BDNF: variants seen among roughly 807,000 people sequenced by gnomAD.
BDNF encodes the protein neurotrophic factor BDNF precursor form.
BDNF carries 1 observed loss-of-function variant against 19.5 expected under a neutral mutation model. That is an observed-to-expected ratio of 0.05 (90% CI 0.02 to 0.24). The LOEUF (loss-of-function observed/expected upper bound fraction) is 0.24. Among genes scored for constraint, BDNF ranks in the 10% least tolerant of loss-of-function variants. The probability of loss-of-function intolerance (pLI) is 1.00; values close to 1 mark genes in which losing one functional copy is unlikely to be tolerated. For synonymous variants in BDNF, 100 were observed against 121.6 expected, an observed-to-expected ratio of 0.82 and a Z score of 1.17; for missense variants, 195 against 317.6, an observed-to-expected ratio of 0.61 and a Z score of 2.93.
At chr11:27,685,490 TAG>T (rs1262522748) in intron 1 of BDNF, among the ~76,000 whole-genome samples, 6 of 152,202 alleles carry the variant, frequency 3.9e-5, no homozygotes, top group Non-Finnish European at 8.8e-5. Context: ...ATTGTGATGT[TAG>T]AGTGTTGATT....
In BDNF at chr11:27,699,436, C is replaced by T. The variant is rs79679324; in HGVS notation, c.-22+728G>A. 4.8e-3 allele frequency: 7,668 copies of T among 1,614,154 alleles called. 26 individuals carry two copies. The highest frequency in any genetic ancestry group is 5.6e-3 in the Middle Eastern group (34 of 6,062). On this transcript the variant is annotated intron_variant, in intron 1 of 1. Coordinates refer to ENST00000356660, the MANE Select transcript of BDNF (RefSeq NM_001709.5). ...GAGACTAACCCGAGTCAAGAATCCC[C>T]CACGTACATCCCAACCACTCCCCGA...
chr11:27,684,782 G>T (rs1857269012), intron 1 of BDNF, among the ~76,000 whole-genome samples: 1 of 152,128 alleles, frequency 6.6e-6, no homozygotes, highest in African/African-American at 2.4e-5. Context: ...TTTTTGATGT[G>T]CTGCTGGATT....
At chr11:27,717,454 G>C (rs1860557784) in intron 1 of BDNF, among the ~76,000 whole-genome samples, 1 of 152,176 alleles carries the variant, frequency 6.6e-6, no homozygotes, top group Admixed American at 6.5e-5. Flanking sequence ...AAAAATTGCT[G>C]TGTTGTAGGT....
At chr11:27,720,617 G>A (rs1860711876) in intron 1 of BDNF, 8 of 985,548 alleles carry the variant, frequency 8.1e-6, no homozygotes, top group Non-Finnish European at 9.6e-6. Context: ...CACAGGGTTG[G>A]CTTTACAGCG....
intron 1 of BDNF, among the ~76,000 whole-genome samples, chr11:27,682,068 C>G (rs567102397): frequency 7.1e-4 from 108 of 152,236 alleles, no homozygotes; most frequent in African/African-American, 2.5e-3. Context: ...GTCTGAATTT[C>G]TGATTATTTA....
chr11:27,699,139 G>A (rs2134076155), intron 1 of BDNF, among the ~76,000 whole-genome samples: 1 of 150,944 alleles, frequency 6.6e-6, no homozygotes, highest in East Asian at 2.0e-4. Flanking sequence ...CCGGCAGAGG[G>A]CACCCTCTAC....
intron 1 of BDNF, among the ~76,000 whole-genome samples, chr11:27,713,694 A>T (rs1860421306): frequency 6.6e-6 from 1 of 152,196 alleles, no homozygotes; most frequent in Admixed American, 6.5e-5. Flanking sequence ...TTCTGCCGCT[A>T]TTTAGGAAAA....
chr11:27,717,858 TGA>T (rs1860572151), intron 1 of BDNF, among the ~76,000 whole-genome samples: 1 of 126,576 alleles, frequency 7.9e-6, no homozygotes, highest in South Asian at 3.3e-4. Context: ...TCTTACAAGT[TGA>T]GTGTGTGTGT....
upstream of BDNF, among the ~76,000 whole-genome samples, chr11:27,701,985 C>A (rs1473122784): frequency 6.7e-6 from 1 of 149,970 alleles, no homozygotes; most frequent in Admixed American, 6.7e-5. Flanking sequence ...CCCACCACTG[C>A]CCGCAGCAAA....
At chr11:27,677,783 A>G (rs1856353100) in intron 1 of BDNF, 1 of 152,248 alleles carries the variant, frequency 6.6e-6, no homozygotes, top group Non-Finnish European at 1.5e-5. Context: ...ATTAAATTAA[A>G]AATAACCAAT....
chr11:27,674,403 A>G lies in BDNF; in HGVS notation c.-21-15818T>C, dbSNP rs1404267119. 2.7e-6 allele frequency: 4 copies of G among 1,471,660 alleles called. No homozygotes were observed. The East Asian group carries it at 9.9e-5, about 36-fold the overall frequency. 91.2% of individuals were successfully genotyped at this position (1,471,660 alleles called of 1,614,324 possible). A position where few individuals can be genotyped will look rare whatever the true frequency, so the allele number is the denominator to read the frequency against. On this transcript the variant is annotated intron_variant, in intron 1 of 1. Coordinates refer to ENST00000356660, the MANE Select transcript of BDNF (RefSeq NM_001709.5). ...TTAATGCAGGAGGAAATATAATTGA[A>G]TATGTTCTCCTAGCCACTGCTCTAC...
At chr11:27,665,210 G>A (rs1854105488) in intron 1 of BDNF, 1 of 151,980 alleles carries the variant, frequency 6.6e-6, no homozygotes, top group Admixed American at 6.5e-5. Flanking sequence ...TCCCATACAT[G>A]GTAGACAGTG....
At chr11:27,682,472 C>G (rs1326781065) in intron 1 of BDNF, among the ~76,000 whole-genome samples, 2 of 151,078 alleles carry the variant, frequency 1.3e-5, no homozygotes, top group African/African-American at 4.9e-5. Context: ...GGTTTGTTAC[C>G]TAGGTATACA....
chr11:27,659,001 A>G (rs1029662290), intron 1 of BDNF: 1 of 1,093,994 alleles, frequency 9.1e-7, no homozygotes, highest in African/African-American at 1.7e-5. Context: ...ATTTTTTTCA[A>G]GTTAGCAACA....
upstream of BDNF, chr11:27,701,388 A>G: frequency 9.7e-7 from 1 of 1,033,838 alleles, no homozygotes; most frequent in Non-Finnish European, 1.2e-6. Context: ...TTATTTTTTC[A>G]CGTTCCCTTC....
chr11:27,674,202 C>G lies in BDNF; in HGVS notation c.-21-15617G>C, dbSNP rs747423302. ...GCCAAAACATGTGTGGACCTGCAAC[C>G]CTTTCTGTAGAAACTCAGCATTCTG... is the stretch of plus-strand genomic sequence containing the variant. On this transcript the variant is annotated intron_variant, in intron 1 of 1. Transcript: ENST00000356660. 29 of 1,604,462 alleles carry G rather than the reference C, an allele frequency of 1.8e-5. No individual in the cohort carries two copies. The African/African-American group carries it at 2.5e-4, about 14-fold the overall frequency.
At chr11:27,660,425 T>C (rs1853279242) in intron 1 of BDNF, among the ~76,000 whole-genome samples, 1 of 152,236 alleles carries the variant, frequency 6.6e-6, no homozygotes, top group Admixed American at 6.5e-5. Context: ...AACAACTAAA[T>C]CTTTGTGAAT....
chr11:27,697,144 C>T (rs1273479072), intron 1 of BDNF, among the ~76,000 whole-genome samples: 1 of 97,406 alleles, frequency 1.0e-5, no homozygotes, highest in East Asian at 3.3e-4. Flanking sequence ...CACGTGCACG[C>T]ACACACACAC....
chr11:27,664,414 A>C (rs1853977353), intron 1 of BDNF, among the ~76,000 whole-genome samples: 1 of 152,118 alleles, frequency 6.6e-6, no homozygotes, highest in Non-Finnish European at 1.5e-5. Flanking sequence ...GACCCAGAAA[A>C]GGTACAGATA....
Sources: allele counts gnomAD v4.1 joint callset (sites outside exome capture counted in the v4.1 genomes callset), GRCh38; gene constraint gnomAD v4.1.1; transcripts MANE v1.5; gene names NCBI Gene and HGNC (gene_info 2026-07-23, HGNC 2026-07-21).